The following CES1 variants were observed in gnomAD, a reference collection of about 807,000 sequenced individuals.
CES1 encodes the protein liver carboxylesterase 1.
Under a neutral mutation model 53.0 loss-of-function variants are expected in CES1, and 50 were observed. The observed-to-expected ratio is 0.94, with a 90% confidence interval of 0.75 to 1.19. CES1 has a LOEUF of 1.19. Ranked by LOEUF, CES1 falls within the 50% of genes most tolerant of loss-of-function variation. The pLI, the probability that CES1 is intolerant of heterozygous loss-of-function variation, is 0.00. For synonymous variants in CES1, 202 were observed against 210.1 expected (o/e 0.96, Z 0.33); for missense variants, 534 against 538.0 (o/e 0.99, Z 0.07).
At chr16:55,819,988 C>T (rs2032105923) in intron 6 of CES1, 2 of 541,688 alleles carry the variant, frequency 3.7e-6, no homozygotes, top group Admixed American at 3.1e-5. Context: ...GGTTGTTCCA[C>T]TTACCAGCCA....
chr16:55,822,598 G>A (rs1464312505), intron 4 of CES1, among the ~76,000 whole-genome samples: 33 of 152,252 alleles, frequency 2.2e-4, no homozygotes, highest in African/African-American at 7.7e-4. Context: ...CCAGGGGTGG[G>A]GAGGAGGGAG....
chr16:55,813,090 C>T (rs1454536200), intron 8 of CES1, 47 bp from the exon 9 acceptor site: 1 of 1,611,642 alleles, frequency 6.2e-7, no homozygotes, highest in Non-Finnish European at 8.5e-7. Context: ...CCTAGTCACA[C>T]CCATGTCCCC....
chr16:55,813,117 G>A (rs1211764858), intron 8 of CES1, 74 bp from the exon 9 acceptor site: 9 of 1,600,100 alleles, frequency 5.6e-6, no homozygotes, highest in Non-Finnish European at 6.8e-6. Flanking sequence ...GCCTGTCTGA[G>A]GGTGAGACCA....
intron 7 of CES1, among the ~76,000 whole-genome samples, chr16:55,817,683 T>C (rs1374507635): frequency 5.9e-5 from 9 of 151,972 alleles, no homozygotes; most frequent in Non-Finnish European, 1.2e-4. Context: ...TGTGTCTGTG[T>C]GTGGCTCTTT....
chr16:55,819,434 G>A, intron 7 of CES1, 101 bp downstream of exon 7: 1 of 876,868 alleles, frequency 1.1e-6, no homozygotes, highest in East Asian at 2.4e-5. Flanking sequence ...TGAGAGTTGA[G>A]AAATTGTCCC....
chr16:55,813,986 C>A (rs1327555234), intron 8 of CES1, among the ~76,000 whole-genome samples: 1 of 152,324 alleles, frequency 6.6e-6, no homozygotes, highest in African/African-American at 2.4e-5. Flanking sequence ...CATGAAAGTG[C>A]CACCAGTATT....
At chr16:55,823,890 A>T (rs1322373139) in intron 3 of CES1, among the ~76,000 whole-genome samples, 1 of 152,190 alleles carries the variant, frequency 6.6e-6, no homozygotes, top group African/African-American at 2.4e-5. Flanking sequence ...TACTGCACAT[A>T]CCCTGGCTGT....
chr16:55,828,582 G>T (rs369325028), intron 2 of CES1, among the ~76,000 whole-genome samples, 185 bp downstream of exon 2: 2 of 152,148 alleles, frequency 1.3e-5, no homozygotes, highest in African/African-American at 4.8e-5. Context: ...GCACACAGCA[G>T]GTGCTCAATA....
intron 4 of CES1, among the ~76,000 whole-genome samples, chr16:55,822,510 G>A (rs2032240339): frequency 6.6e-6 from 1 of 152,204 alleles, no homozygotes; most frequent in Admixed American, 6.5e-5. Context: ...GGAGGAGAAG[G>A]GGGTCTCTGT....
chr16:55,821,247 G>C (rs1236433476), intron 5 of CES1, 121 bp downstream of exon 5: 1 of 1,331,312 alleles, frequency 7.5e-7, no homozygotes, highest in Non-Finnish European at 1.1e-6. Context: ...CTGTGAGTAG[G>C]GCCAGTCCTG....
intron 2 of CES1, 41 bp from the exon 3 acceptor site, chr16:55,826,336 T>C: frequency 6.2e-7 from 1 of 1,613,380 alleles, no homozygotes; most frequent in Non-Finnish European, 8.5e-7. Context: ...TTCAGCCAGA[T>C]CTAAGCGAGG....
chr16:55,827,904 T>C (rs1368903161), intron 2 of CES1: 3 of 152,224 alleles, frequency 2.0e-5, no homozygotes, highest in Admixed American at 2.0e-4. Context: ...AAAATACTGA[T>C]AGTTGTTCTC....
At chr16:55,822,137 C>T (rs1406893088) in intron 4 of CES1, among the ~76,000 whole-genome samples, 1 of 152,244 alleles carries the variant, frequency 6.6e-6, no homozygotes, top group African/African-American at 2.4e-5. Flanking sequence ...AGAGAGGGCC[C>T]TGGGGCCTGG....
At chr16:55,810,751 C>A (rs1345179192) in intron 10 of CES1, 87 bp from the exon 11 acceptor site, 71 of 1,528,368 alleles carry the variant, frequency 4.6e-5, no homozygotes, top group Non-Finnish European at 6.2e-5. Flanking sequence ...CAATGGTGAA[C>A]CCCATAAGCC....
intron 8 of CES1, among the ~76,000 whole-genome samples, chr16:55,816,199 T>C (rs1170730269): frequency 4.1e-4 from 63 of 152,394 alleles, no homozygotes; most frequent in Non-Finnish European, 4.8e-4. Flanking sequence ...ATTTGCTTTT[T>C]TATTGCACTG....
chr16:55,830,540 C>A (rs28631692), intron 1 of CES1, among the ~76,000 whole-genome samples: 8,149 of 151,968 alleles, frequency 0.054, 206 homozygotes, highest in Middle Eastern at 0.13. Context: ...CACAGTGGAT[C>A]ACCTGTAATC....
intron 4 of CES1, among the ~76,000 whole-genome samples, chr16:55,822,922 A>G (rs1275626698): frequency 6.6e-6 from 1 of 152,046 alleles, no homozygotes; most frequent in Non-Finnish European, 1.5e-5. Flanking sequence ...ACCTTAGAAA[A>G]GGTTCATAGC....
At chr16:55,820,330 G>C in intron 6 of CES1, 42 bp downstream of exon 6, 2 of 1,227,658 alleles carry the variant, frequency 1.6e-6, no homozygotes, top group Non-Finnish European at 2.3e-6. Flanking sequence ...GAGCCAAGGA[G>C]GTGGGGGTGT....
At chr16:55,818,635 G>A (rs1438234326) in intron 7 of CES1, among the ~76,000 whole-genome samples, 2 of 151,828 alleles carry the variant, frequency 1.3e-5, no homozygotes, top group South Asian at 2.1e-4. Flanking sequence ...CTCAACCTGC[G>A]AAGTATATGA....
Sources: gnomAD v4.1 joint callset for allele counts (sites outside exome capture counted in the v4.1 genomes callset) on GRCh38, gnomAD v4.1.1 for gene constraint, MANE v1.5 for transcripts, NCBI Gene and HGNC (gene_info 2026-07-23, HGNC 2026-07-21) for gene names.